Variants in ATOSA observed in about 807,000 individuals in gnomAD.
The protein encoded by ATOSA is atos homolog A, also known as atos homolog protein A.
chr15:52,689,196 A>T, the ATOSA span, among the ~76,000 whole-genome samples: 1 of 152,202 alleles, frequency 6.6e-6, no homozygotes, highest in Non-Finnish European at 1.5e-5. Context: ...TTCTGAGAGT[A>T]ATATACTTCA....
At chr15:52,702,123 C>T in the ATOSA span, among the ~76,000 whole-genome samples, 1 of 152,108 alleles carries the variant, frequency 6.6e-6, no homozygotes, top group Non-Finnish European at 1.5e-5. Flanking sequence ...ACAACAGATG[C>T]TGGCAAGGCT....
At chr15:52,582,205 G>T in the ATOSA span, 2 of 1,598,910 alleles carry the variant, frequency 1.3e-6, no homozygotes. Context: ...TGTAAGATTT[G>T]AGTTCATATG....
At chr15:52,701,476 C>G in the ATOSA span, among the ~76,000 whole-genome samples, 1 of 152,164 alleles carries the variant, frequency 6.6e-6, no homozygotes, top group African/African-American at 2.4e-5. Context: ...GTGATTTCTT[C>G]AATCACTAGT....
the ATOSA span, among the ~76,000 whole-genome samples, chr15:52,642,523 A>T: frequency 6.6e-6 from 1 of 152,244 alleles, no homozygotes; most frequent in Admixed American, 6.5e-5. Context: ...GTTTGGCCAC[A>T]AGCACAGACT....
chr15:52,625,768 A>G, the ATOSA span, among the ~76,000 whole-genome samples: 2 of 152,236 alleles, frequency 1.3e-5, no homozygotes, highest in Non-Finnish European at 2.9e-5. Flanking sequence ...GTCATGTAAA[A>G]CCCAAACATT....
At chr15:52,623,158 CA>C in the ATOSA span, among the ~76,000 whole-genome samples, 16 of 141,728 alleles carry the variant, frequency 1.1e-4, no homozygotes, top group Non-Finnish European at 1.4e-4. Flanking sequence ...GACTCCGTGT[CA>C]AAAAAAAAAG....
At chr15:52,695,154 G>A in the ATOSA span, among the ~76,000 whole-genome samples, 1 of 152,012 alleles carries the variant, frequency 6.6e-6, no homozygotes, top group Non-Finnish European at 1.5e-5. Flanking sequence ...TGAACTCCTG[G>A]TCTCAAGCAA....
the ATOSA span, chr15:52,678,334 G>C: frequency 1.9e-6 from 1 of 537,664 alleles, no homozygotes; most frequent in Non-Finnish European, 3.3e-6. Flanking sequence ...AGGCCAATGT[G>C]TCCTTCTGAC....
At chr15:52,584,876 T>C in the ATOSA span, 3 of 1,613,510 alleles carry the variant, frequency 1.9e-6, no homozygotes, top group Middle Eastern at 1.7e-4. Context: ...GATGATTGGC[T>C]GGCATATCTC....
At chr15:52,588,758 A>G in the ATOSA span, among the ~76,000 whole-genome samples, 55 of 152,346 alleles carry the variant, frequency 3.6e-4, no homozygotes, top group African/African-American at 1.2e-3. Context: ...AGGCTGTGAT[A>G]CTTAAAGAGC....
the ATOSA span, among the ~76,000 whole-genome samples, chr15:52,685,197 A>G: frequency 4.5e-4 from 69 of 152,350 alleles, no homozygotes; most frequent in African/African-American, 1.6e-3. Context: ...GATGCCTTTT[A>G]GCGGTGCAAA....
the ATOSA span, chr15:52,678,131 G>A: frequency 7.5e-7 from 1 of 1,342,202 alleles, no homozygotes; most frequent in Non-Finnish European, 1.1e-6. Context: ...TGCTGAAAGA[G>A]ACAAAAATAA....
chr15:52,650,311 A>T, the ATOSA span, among the ~76,000 whole-genome samples: 1 of 152,196 alleles, frequency 6.6e-6, no homozygotes, highest in Non-Finnish European at 1.5e-5. Context: ...CAAATAATAT[A>T]ACTTTATTTT....
the ATOSA span, chr15:52,678,908 G>A: frequency 6.5e-6 from 1 of 153,134 alleles, no homozygotes; most frequent in East Asian, 1.9e-4. Context: ...CCGCTCCCTC[G>A]GCCGACCTCT....
chr15:52,662,694 C>T, the ATOSA span, among the ~76,000 whole-genome samples: 132,307 of 150,258 alleles, frequency 0.88, 58,382 homozygotes, highest in East Asian at 1. Context: ...GGCGTGAACC[C>T]GGGAGGCGGA....
chr15:52,659,176 T>C, the ATOSA span, among the ~76,000 whole-genome samples: 1 of 152,200 alleles, frequency 6.6e-6, no homozygotes, highest in African/African-American at 2.4e-5. Flanking sequence ...TTTTTGTTTC[T>C]TGTTTTTTTC....
chr15:52,677,999 C>A, the ATOSA span: 24 of 1,614,012 alleles, frequency 1.5e-5, 1 homozygote, highest in East Asian at 5.3e-4. Context: ...TTAAACAAAT[C>A]ATTTACCTCG....
At chr15:52,623,156 G>A in the ATOSA span, among the ~76,000 whole-genome samples, 5 of 132,248 alleles carry the variant, frequency 3.8e-5, no homozygotes, top group Non-Finnish European at 7.7e-5. Context: ...GAGACTCCGT[G>A]TCAAAAAAAA....
the ATOSA span, among the ~76,000 whole-genome samples, chr15:52,618,550 T>G: frequency 6.6e-6 from 1 of 152,224 alleles, no homozygotes; most frequent in Non-Finnish European, 1.5e-5. Context: ...CAGGACTCTA[T>G]GACTTGTTAT....
Sources: allele counts gnomAD v4.1 joint callset (sites outside exome capture counted in the v4.1 genomes callset), GRCh38; gene constraint gnomAD v4.1.1; transcripts MANE v1.5; gene names NCBI Gene and HGNC (gene_info 2026-07-23, HGNC 2026-07-21).